Variants in EXD3 observed in about 807,000 individuals in gnomAD.
EXD3 encodes exonuclease 3'-5' domain containing 3.
EXD3 carries 92 observed loss-of-function variants against 98.0 expected under a neutral mutation model. The ratio of observed to expected loss-of-function variants is 0.94; its 90% CI spans 0.79 to 1.12. The LOEUF (loss-of-function observed/expected upper bound fraction) is 1.12. Among genes scored for constraint, EXD3 ranks in the 50% most tolerant of loss-of-function variants. The probability of loss-of-function intolerance (pLI) is 0.00; values close to 1 mark genes in which losing one functional copy is unlikely to be tolerated. For missense variants in EXD3, 1,222 were observed against 1,191.6 expected, an observed-to-expected ratio of 1.03 and a Z score of -0.38; for synonymous variants, 569 against 526.0, an observed-to-expected ratio of 1.08 and a Z score of -1.12.
At chr9:137,314,723 T>A (rs1000578622) in intron 19 of EXD3, among the ~76,000 whole-genome samples, 20 of 151,984 alleles carry the variant, frequency 1.3e-4, no homozygotes, top group African/African-American at 4.8e-4. Context: ...ACAGACAGTG[T>A]GGGGGATGGG....
In EXD3 at chr9:137,412,953, G is replaced by A. The variant is rs554868779; in HGVS notation, c.-48+10161C>T. Among the ~76,000 whole-genome samples, 3 of 151,776 alleles carry A rather than the reference G, an allele frequency of 2.0e-5. No homozygotes were observed. In the South Asian group the frequency reaches 6.3e-4, roughly 32 times the overall value. On this transcript the variant is annotated intron_variant, in intron 1 of 21. Transcript: ENST00000340951. Reference sequence around the variant, plus strand: ...CGCTACACCTGGATAATTTTGGGAGGGGTATTTTTTGTAGAGATGGGGTCT... The same window carrying A: ...CGCTACACCTGGATAATTTTGGGAGAGGTATTTTTTGTAGAGATGGGGTCT...
At position 137,352,153 on chromosome 9, in the gene EXD3, A is replaced by G. The variant is rs1834339797; in HGVS notation, c.1086T>C (p.Arg362=). ...CCCTGGGGATGGGCAGCTGGTAGTAACGGTCCTTCATGTCCTTCACCTCCA... is the reference window on the plus strand; with the variant it reads ...CCCTGGGGATGGGCAGCTGGTAGTAGCGGTCCTTCATGTCCTTCACCTCCA... ...SRLEVKDMKD[R]YYQLPIPREN... is the part of the protein sequence containing the mutation. Residue 362 remains arginine, a synonymous_variant, in exon 12 of 22, where the codon CGT becomes CGC. Coordinates refer to ENST00000340951, the MANE Select transcript of EXD3 (RefSeq NM_017820.5). 6 of 1,612,856 alleles carry G rather than the reference A, an allele frequency of 3.7e-6. No homozygotes were observed. The highest frequency in any genetic ancestry group is 2.2e-5 in the East Asian group (1 of 44,878).
At position 137,395,210 on chromosome 9, in the gene EXD3, G is replaced by T; in HGVS notation, c.55+93C>A. 8.3e-7 allele frequency: 1 copy of T among 1,198,948 alleles called. No individual in the cohort carries two copies. The highest frequency in any genetic ancestry group is 1.2e-6 in the Non-Finnish European group (1 of 807,320). 74.3% of individuals were successfully genotyped at this position (1,198,948 alleles called of 1,614,324 possible). ...GGCCAGCAGCCTGGCCCTCGTCACTGAGTACACAGTGGGCGCCACCACCCC... is the reference window on the plus strand; with the variant it reads ...GGCCAGCAGCCTGGCCCTCGTCACTTAGTACACAGTGGGCGCCACCACCCC... On this transcript the variant is annotated intron_variant, in intron 2 of 21. Transcript: ENST00000340951. This position sits in a 1 kb window ranked among gnomAD's most constrained non-coding sequence, Gnocchi z 6.5.
rs1837583999 is a variant in EXD3, at chr9:137,403,725, C to T, written c.-47-8321G>A. On this transcript the variant is annotated intron_variant, in intron 1 of 21. Coordinates refer to ENST00000340951, the MANE Select transcript of EXD3 (RefSeq NM_017820.5). The surrounding 1 kb of genome is among the most constrained non-coding windows in gnomAD (Gnocchi z 6.1). ...CCTCCCAGCAGGGCAGACCCAGCCA[C>T]GCAGAGCCCACCGCCAGCTTCCAAG... 6.6e-6 allele frequency among the ~76,000 whole-genome samples: 1 copy of T among 152,182 alleles called. No homozygotes were observed. Among genetic ancestry groups the T allele is most frequent in the Non-Finnish European group, 1.5e-5 (1 of 68,024 alleles).
chr9:137,372,347 G>C (rs1013258962), intron 5 of EXD3, among the ~76,000 whole-genome samples: 12 of 152,196 alleles, frequency 7.9e-5, no homozygotes, highest in African/African-American at 2.9e-4. Context: ...TCTGTGAGTG[G>C]GCACCACTCT....
rs754882861 is a variant in EXD3 at position 137,385,276 on chromosome 9, C to T, written c.56-1899G>A. ...CACTCAAATGTCCACTGTAGGAGGA[C>T]GGAGCAAGTGCATCAGCCCCGGGAC... On this transcript the variant is annotated intron_variant, in intron 2 of 21. Transcript: ENST00000340951. The surrounding 1 kb of genome is among the most constrained non-coding windows in gnomAD (Gnocchi z 4.4). Among the ~76,000 whole-genome samples, 14 of 152,240 alleles carry T rather than the reference C, an allele frequency of 9.2e-5. No homozygotes were observed. The highest frequency in any genetic ancestry group is 2.1e-4 in the South Asian group (1 of 4,786).
chr9:137,384,302 C>T (rs1181935110), intron 2 of EXD3, among the ~76,000 whole-genome samples: 2 of 152,222 alleles, frequency 1.3e-5, no homozygotes, highest in Non-Finnish European at 2.9e-5. Context: ...ACGGGGGTCA[C>T]CCCAGAGAGC....
chr9:137,348,468 G>A (rs1247011488), intron 16 of EXD3, among the ~76,000 whole-genome samples: 1 of 146,754 alleles, frequency 6.8e-6, no homozygotes, highest in Non-Finnish European at 1.5e-5. Context: ...GTGTGTCTGG[G>A]GTGGCGTGTG....
chr9:137,368,796 T>C (rs865891846), intron 5 of EXD3, among the ~76,000 whole-genome samples: 1 of 149,466 alleles, frequency 6.7e-6, no homozygotes, highest in South Asian at 2.1e-4. Flanking sequence ...CTCTACTGTC[T>C]GGCCAGGGTC....
At chr9:137,415,957 C>T (rs142974261) in intron 1 of EXD3, among the ~76,000 whole-genome samples, 1 of 152,318 alleles carries the variant, frequency 6.6e-6, no homozygotes, top group South Asian at 2.1e-4. Flanking sequence ...GCTGCTCTGC[C>T]GACGGTGCCT....
intron 17 of EXD3, among the ~76,000 whole-genome samples, chr9:137,341,374 G>T (rs181912302): frequency 6.6e-6 from 1 of 152,224 alleles, no homozygotes; most frequent in East Asian, 1.9e-4. Context: ...TCATCCTGAG[G>T]TGATTCAGTG....
In EXD3 at chr9:137,390,119, C is replaced by CAAAAAA. The variant is rs34716316; in HGVS notation, c.55+5178_55+5183dup. Among the ~76,000 whole-genome samples, 8 of 23,380 alleles carry CAAAAAA rather than the reference C, an allele frequency of 3.4e-4. 2 individuals are homozygous for CAAAAAA. Among genetic ancestry groups the CAAAAAA allele is most frequent in the African/African-American group, 9.2e-4 (5 of 5,456 alleles). The allele number at this position is 23,380 out of a possible 152,430, so 15.3% of individuals were successfully genotyped here. A position where few individuals can be genotyped will look rare whatever the true frequency, so the allele number is the denominator to read the frequency against. On this transcript the variant is annotated intron_variant, in intron 2 of 21. Transcript: ENST00000340951. ...CCTGGGTGACAGAGCGAGACTCTGT[C>CAAAAAA]AAAAAAAAAAAAAAAAAAAAAAAAA...
intron 1 of EXD3, among the ~76,000 whole-genome samples, chr9:137,402,476 G>A (rs567156299): frequency 1.3e-5 from 2 of 152,298 alleles, no homozygotes; most frequent in Non-Finnish European, 2.9e-5. Context: ...AAGATAACAA[G>A]AGTCACCTTT....
chr9:137,318,902 T>C (rs1009668310), intron 19 of EXD3, among the ~76,000 whole-genome samples: 1 of 152,190 alleles, frequency 6.6e-6, no homozygotes, highest in Admixed American at 6.5e-5. Context: ...GCGCTGTTGC[T>C]CACTCCCTGC....
chr9:137,337,385 G>A (rs535517278), intron 17 of EXD3, among the ~76,000 whole-genome samples: 2 of 152,122 alleles, frequency 1.3e-5, no homozygotes, highest in Non-Finnish European at 2.9e-5. Flanking sequence ...GGGTGCGGTG[G>A]CTCACACCTA....
At chr9:137,398,793 C>T (rs1332434132) in intron 1 of EXD3, among the ~76,000 whole-genome samples, 10 of 142,418 alleles carry the variant, frequency 7.0e-5, no homozygotes, top group African/African-American at 2.4e-4. Context: ...CAGGCACCCG[C>T]GTCCCCGTGA....
intron 1 of EXD3, among the ~76,000 whole-genome samples, chr9:137,400,833 C>G (rs1837449039): frequency 6.6e-6 from 1 of 152,042 alleles, no homozygotes; most frequent in Non-Finnish European, 1.5e-5. Flanking sequence ...CCACGCAAGT[C>G]TGAAATCCAG....
At chr9:137,331,038 A>G (rs372951900) in intron 17 of EXD3, among the ~76,000 whole-genome samples, 9 of 152,230 alleles carry the variant, frequency 5.9e-5, no homozygotes, top group South Asian at 2.1e-4. Context: ...CCAACAGCAC[A>G]TTAAAGCAAT....
At chr9:137,330,504 A>G (rs939817304) in intron 17 of EXD3, among the ~76,000 whole-genome samples, 3 of 146,472 alleles carry the variant, frequency 2.0e-5, no homozygotes, top group Non-Finnish European at 4.5e-5. Context: ...CAGGAGCTAC[A>G]CAGGACTACG....
Sources: gnomAD v4.1 joint callset for allele counts (sites outside exome capture counted in the v4.1 genomes callset) on GRCh38, gnomAD v4.1.1 for gene constraint, Gnocchi (gnomAD v3.1) non-coding constraint, MANE v1.5 for transcripts, NCBI Gene and HGNC (gene_info 2026-07-23, HGNC 2026-07-21) for gene names.